ARL15: variants seen among roughly 807,000 people sequenced by gnomAD.
ARL15 encodes ADP-ribosylation factor-like protein 15.
In ARL15, 19 loss-of-function variants were observed where a neutral mutation model predicts 25.2. The observed-to-expected ratio is 0.75, with a 90% CI of 0.53 to 1.10. The LOEUF (loss-of-function observed/expected upper bound fraction) is 1.10, where lower values mean the gene tolerates loss of function less well. Among genes scored for constraint, ARL15 ranks in the 50% least tolerant of loss-of-function variants. ARL15 has a pLI of 0.00. For missense variants in ARL15, 220 were observed against 246.0 expected, an observed-to-expected ratio of 0.89 and a Z score of 0.71; for synonymous variants, 94 against 86.8, an observed-to-expected ratio of 1.08 and a Z score of -0.46.
At chr5:54,053,415 G>C (rs569338692) in intron 4 of ARL15, among the ~76,000 whole-genome samples, 2 of 152,052 alleles carry the variant, frequency 1.3e-5, no homozygotes, top group African/African-American at 4.8e-5. Flanking sequence ...CTATCCAAAA[G>C]AAAGTAAAGC....
At chr5:53,969,663 T>G (rs558238988) in intron 4 of ARL15, among the ~76,000 whole-genome samples, 1 of 152,212 alleles carries the variant, frequency 6.6e-6, no homozygotes, top group Admixed American at 6.5e-5. Flanking sequence ...CTATTTCTGC[T>G]TTATGATCTC....
chr5:54,117,364 G>GACAC (rs776020187), intron 3 of ARL15, among the ~76,000 whole-genome samples: 2,662 of 90,974 alleles, frequency 0.029, 39 homozygotes, highest in South Asian at 0.051. Flanking sequence ...CAAATAGTGA[G>GACAC]ACACATACAC....
intron 1 of ARL15, among the ~76,000 whole-genome samples, chr5:54,175,107 T>C (rs1754827329): frequency 6.6e-6 from 1 of 152,226 alleles, no homozygotes; most frequent in African/African-American, 2.4e-5. Flanking sequence ...TGCTAGAGCA[T>C]CCGGTTTAAA....
chr5:54,181,445 A>G (rs562561085), intron 1 of ARL15, among the ~76,000 whole-genome samples: 1 of 152,364 alleles, frequency 6.6e-6, no homozygotes. Flanking sequence ...AGAGCAAAGT[A>G]ATACAATTTA....
chr5:54,297,047 G>A (rs1016843192), intron 1 of ARL15, among the ~76,000 whole-genome samples: 4 of 152,188 alleles, frequency 2.6e-5, no homozygotes, highest in African/African-American at 9.7e-5. Context: ...TTAGGTAGTT[G>A]GGAGAAGATT....
intron 4 of ARL15, among the ~76,000 whole-genome samples, chr5:53,933,612 T>TCCAG (rs1196100607): frequency 1.7e-5 from 2 of 116,248 alleles, no homozygotes; most frequent in African/African-American, 6.8e-5. Flanking sequence ...GCCACTGCAC[T>TCCAG]CCAGTCTGGG....
At chr5:54,299,355 T>C (rs938009097) in intron 1 of ARL15, among the ~76,000 whole-genome samples, 1 of 152,106 alleles carries the variant, frequency 6.6e-6, no homozygotes, top group Non-Finnish European at 1.5e-5. Context: ...TCAGCTACCA[T>C]CTAAGTGGTT....
At chr5:53,920,907 G>T (rs1197369387) in intron 4 of ARL15, among the ~76,000 whole-genome samples, 1 of 152,100 alleles carries the variant, frequency 6.6e-6, no homozygotes, top group Admixed American at 6.6e-5. Flanking sequence ...AAACTTTTGT[G>T]ATGTCCCCTT....
intron 4 of ARL15, among the ~76,000 whole-genome samples, chr5:53,893,500 C>G (rs1203987269): frequency 6.6e-6 from 1 of 152,030 alleles, no homozygotes; most frequent in Non-Finnish European, 1.5e-5. Flanking sequence ...CCCAGCTCCT[C>G]GGGAGGCTGA....
chr5:54,099,960 G>A (rs980435722), intron 4 of ARL15, among the ~76,000 whole-genome samples: 2 of 151,964 alleles, frequency 1.3e-5, no homozygotes, highest in Non-Finnish European at 2.9e-5. Context: ...AAAGTGCCAA[G>A]TTAAATATTC....
At chr5:54,082,712 T>C (rs1382460287) in intron 4 of ARL15, among the ~76,000 whole-genome samples, 1 of 152,174 alleles carries the variant, frequency 6.6e-6, no homozygotes, top group Non-Finnish European at 1.5e-5. Context: ...CTTGCACCTT[T>C]AATGCTCAGA....
chr5:54,144,202 T>C (rs1561241218), intron 3 of ARL15, among the ~76,000 whole-genome samples: 1 of 151,978 alleles, frequency 6.6e-6, no homozygotes, highest in African/African-American at 2.4e-5. Flanking sequence ...TACATCTAAA[T>C]ATTTTTTTTT....
intron 4 of ARL15, among the ~76,000 whole-genome samples, chr5:54,004,783 G>C (rs1238617152): frequency 6.9e-6 from 1 of 145,882 alleles, no homozygotes; most frequent in Non-Finnish European, 1.5e-5. Flanking sequence ...TTTTGTGTGT[G>C]TGTGCCTGTG....
intron 4 of ARL15, among the ~76,000 whole-genome samples, chr5:54,045,505 C>T (rs1340772678): frequency 1.3e-5 from 2 of 151,776 alleles, no homozygotes; most frequent in East Asian, 3.9e-4. Context: ...GTTTAAACAA[C>T]ATGTGACGGC....
intron 4 of ARL15, among the ~76,000 whole-genome samples, chr5:54,003,714 A>ATCTC (rs1451368381): frequency 1.2e-4 from 16 of 134,998 alleles, no homozygotes; most frequent in Non-Finnish European, 2.2e-4. Context: ...CTATCTATCT[A>ATCTC]TCTCTACTTT....
At chr5:54,275,786 G>A (rs988227989) in intron 1 of ARL15, among the ~76,000 whole-genome samples, 16 of 151,222 alleles carry the variant, frequency 1.1e-4, no homozygotes, top group South Asian at 2.1e-4. Context: ...CCCGGTTCAC[G>A]CTATTCTCCT....
At chr5:54,004,919 T>C (rs1347186001) in intron 4 of ARL15, among the ~76,000 whole-genome samples, 1 of 152,228 alleles carries the variant, frequency 6.6e-6, no homozygotes, top group Non-Finnish European at 1.5e-5. Flanking sequence ...TGTTTTCTGC[T>C]AACTTAATCA....
At chr5:54,005,559 G>A (rs10471883) in intron 4 of ARL15, among the ~76,000 whole-genome samples, 17,381 of 151,606 alleles carry the variant, frequency 0.11, 1,377 homozygotes, top group African/African-American at 0.21. Flanking sequence ...GTGAAACTCC[G>A]TCTCTACTAA....
chr5:54,180,583 T>C (rs1035992708), intron 1 of ARL15, among the ~76,000 whole-genome samples: 12 of 152,178 alleles, frequency 7.9e-5, no homozygotes, highest in African/African-American at 2.9e-4. Flanking sequence ...ATTGTTTTTA[T>C]AGAAGGTGGG....
Sources: allele counts gnomAD v4.1 joint callset (sites outside exome capture counted in the v4.1 genomes callset), GRCh38; gene constraint gnomAD v4.1.1; transcripts MANE v1.5; gene names NCBI Gene and HGNC (gene_info 2026-07-23, HGNC 2026-07-21).